FBN2: variants seen among roughly 807,000 people sequenced by gnomAD.
FBN2 encodes the protein fibrillin 2.
FBN2 carries 105 observed loss-of-function variants against 355.6 expected under a neutral mutation model. The observed-to-expected ratio is 0.30, with a 90% CI of 0.25 to 0.35. FBN2 has a LOEUF of 0.35. Ranked by LOEUF, FBN2 falls within the 10% of genes least tolerant of loss-of-function variation. The pLI, the probability that FBN2 is intolerant of heterozygous loss-of-function variation, is 1.00. For synonymous variants in FBN2, 1,350 were observed against 1,301.2 expected (o/e 1.04, Z -0.81); for missense variants, 3,280 against 3,758.7 (o/e 0.87, Z 3.33).
intron 8 of FBN2, among the ~76,000 whole-genome samples, chr5:128,400,800 A>G (rs575348445): frequency 6.6e-6 from 1 of 152,312 alleles, no homozygotes; most frequent in South Asian, 2.1e-4. Context: ...TAATATGTAT[A>G]AAAATGCTGA....
intron 7 of FBN2, among the ~76,000 whole-genome samples, chr5:128,444,646 T>G (rs1400192310): frequency 6.6e-6 from 1 of 152,210 alleles, no homozygotes; most frequent in African/African-American, 2.4e-5. Flanking sequence ...CTTTGGGTGG[T>G]GCCTACGTGC....
intron 7 of FBN2, among the ~76,000 whole-genome samples, chr5:128,434,770 T>G (rs1369615747): frequency 6.6e-6 from 1 of 152,094 alleles, no homozygotes; most frequent in East Asian, 1.9e-4. Flanking sequence ...AAATAAAAAT[T>G]TATCGAGCAA....
chr5:128,343,322 G>A (rs1368836032), intron 25 of FBN2, among the ~76,000 whole-genome samples: 2 of 152,206 alleles, frequency 1.3e-5, no homozygotes, highest in African/African-American at 2.4e-5. Flanking sequence ...GAGAAAACAG[G>A]TGAGGGGATG....
chr5:128,272,463 CATATAT>C (rs3083327), intron 61 of FBN2, among the ~76,000 whole-genome samples: 33 of 139,788 alleles, frequency 2.4e-4, no homozygotes, highest in Admixed American at 1.9e-3. Flanking sequence ...TTTGGTAAAT[CATATAT>C]ATATATATAT....
chr5:128,337,553 A>G (rs1750876649), intron 27 of FBN2, among the ~76,000 whole-genome samples: 1 of 152,216 alleles, frequency 6.6e-6, no homozygotes, highest in Admixed American at 6.5e-5. Flanking sequence ...GAGGAAACCC[A>G]GTGTTTCCAT....
At chr5:128,459,053 T>C (rs2127076065) in intron 6 of FBN2, among the ~76,000 whole-genome samples, 1 of 152,186 alleles carries the variant, frequency 6.6e-6, no homozygotes, top group East Asian at 1.9e-4. Context: ...GATAGACTGC[T>C]AGCTAGACTA....
chr5:128,301,044 T>A, intron 47 of FBN2, 108 bp from the exon 48 acceptor site: 1 of 981,094 alleles, frequency 1.0e-6, no homozygotes, highest in Non-Finnish European at 1.6e-6. Context: ...GGTCCTCTGA[T>A]CTACTGGGTC....
At chr5:128,310,390 ATATATATATATATTT>A (rs1468173380) in intron 39 of FBN2, among the ~76,000 whole-genome samples, 707 of 30,008 alleles carry the variant, frequency 0.024, 10 homozygotes, top group Non-Finnish European at 0.032. Flanking sequence ...ATATATATAT[ATATATATATATATTT>A]TTTTTTTTTT....
At chr5:128,277,839 T>C in intron 58 of FBN2, 41 bp downstream of exon 58, 1 of 1,611,956 alleles carries the variant, frequency 6.2e-7, no homozygotes, top group Non-Finnish European at 8.5e-7. Context: ...CAGTAGCTGA[T>C]TAGCCCCCAA....
chr5:128,455,552 C>T (rs1754357765), intron 6 of FBN2, among the ~76,000 whole-genome samples: 1 of 151,966 alleles, frequency 6.6e-6, no homozygotes, highest in South Asian at 2.1e-4. Flanking sequence ...CTCTCAGAGG[C>T]TCCCATCAAA....
intron 8 of FBN2, among the ~76,000 whole-genome samples, chr5:128,403,244 A>G (rs1352098928): frequency 2.0e-4 from 31 of 151,798 alleles, no homozygotes. Context: ...TTTCTTTTAT[A>G]TTGGTATTAT....
chr5:128,329,814 A>T (rs552033797), intron 33 of FBN2, among the ~76,000 whole-genome samples: 5 of 152,244 alleles, frequency 3.3e-5, no homozygotes, highest in Non-Finnish European at 7.3e-5. Context: ...TGTGTACTGA[A>T]AATCAATTGA....
At chr5:128,484,825 T>C (rs1245633257) in intron 5 of FBN2, among the ~76,000 whole-genome samples, 1 of 152,046 alleles carries the variant, frequency 6.6e-6, no homozygotes. Flanking sequence ...AGACTCAGAG[T>C]CCAGGCTCTT....
At chr5:128,304,626 C>T (rs571308628) in intron 45 of FBN2, among the ~76,000 whole-genome samples, 3 of 152,196 alleles carry the variant, frequency 2.0e-5, no homozygotes, top group Non-Finnish European at 2.9e-5. Context: ...TAAAGGGCAG[C>T]GGGTGCTATG....
intron 7 of FBN2, among the ~76,000 whole-genome samples, chr5:128,434,394 G>GTGTATATATATATGTA (rs377404948): frequency 1.1e-5 from 1 of 91,678 alleles, no homozygotes; most frequent in Non-Finnish European, 2.1e-5. Context: ...AATAAAGTGT[G>GTGTATATATATATGTA]TATATATATA....
chr5:128,339,836 G>A (rs1430512867), intron 25 of FBN2, among the ~76,000 whole-genome samples: 4 of 152,120 alleles, frequency 2.6e-5, no homozygotes, highest in African/African-American at 2.4e-5. Flanking sequence ...CAGCCACGAC[G>A]GACCAACCCT....
At chr5:128,377,993 T>G in intron 12 of FBN2, 116 bp from the exon 13 acceptor site, 1 of 1,151,202 alleles carries the variant, frequency 8.7e-7, no homozygotes, top group Non-Finnish European at 1.3e-6. Context: ...TTAGCAAAAT[T>G]TCTGTCTCTC....
intron 7 of FBN2, among the ~76,000 whole-genome samples, chr5:128,428,617 C>T (rs1753541102): frequency 6.6e-6 from 1 of 152,220 alleles, no homozygotes; most frequent in Non-Finnish European, 1.5e-5. Context: ...TAAAATTCCA[C>T]ACCACATTAG....
At chr5:128,320,059 T>C (rs941233086) in intron 34 of FBN2, among the ~76,000 whole-genome samples, 3 of 152,244 alleles carry the variant, frequency 2.0e-5, no homozygotes, top group Non-Finnish European at 4.4e-5. Context: ...GTTCCAATCA[T>C]GTTTAAAGTT....
Sources: allele counts gnomAD v4.1 joint callset (sites outside exome capture counted in the v4.1 genomes callset), GRCh38; gene constraint gnomAD v4.1.1; transcripts MANE v1.5; gene names NCBI Gene and HGNC (gene_info 2026-07-23, HGNC 2026-07-21).